CAMSAP1: variants seen among roughly 807,000 people sequenced by gnomAD.
CAMSAP1 encodes the protein calmodulin regulated spectrin associated protein 1, also known as calmodulin-regulated spectrin-associated protein 1.
Under a neutral mutation model 143.5 loss-of-function variants are expected in CAMSAP1, and 58 were observed. The ratio of observed to expected loss-of-function variants is 0.40; its 90% CI spans 0.33 to 0.50. The LOEUF (loss-of-function observed/expected upper bound fraction) is 0.50, where lower values mean the gene tolerates loss of function less well. Ranked by LOEUF, CAMSAP1 falls within the 20% of genes least tolerant of loss-of-function variation. The pLI is 0.45. For synonymous variants in CAMSAP1, 945 were observed against 859.3 expected (o/e 1.10, Z -1.74); for missense variants, 1,969 against 2,115.7 (o/e 0.93, Z 1.36).
At chr9:135,890,827 GCAAAA>G (rs1838268442) in intron 1 of CAMSAP1, among the ~76,000 whole-genome samples, 1 of 152,188 alleles carries the variant, frequency 6.6e-6, no homozygotes, top group African/African-American at 2.4e-5. Context: ...GACATCATGA[GCAAAA>G]GCCAGCAGAA....
intron 7 of CAMSAP1, among the ~76,000 whole-genome samples, chr9:135,845,941 C>CA (rs2130888395): frequency 6.6e-6 from 1 of 152,126 alleles, no homozygotes; most frequent in Admixed American, 6.5e-5. Context: ...GCCATACTTC[C>CA]CAAAGTAATT....
intron 7 of CAMSAP1, among the ~76,000 whole-genome samples, chr9:135,848,321 T>C (rs1226854430): frequency 2.0e-5 from 3 of 152,094 alleles, no homozygotes; most frequent in Non-Finnish European, 4.4e-5. Flanking sequence ...TTTGTCGTTA[T>C]TCTTTCTTAT....
chr9:135,820,935 C>T lies in CAMSAP1; in HGVS notation c.3726G>A (p.Lys1242=), dbSNP rs1835424232. 1 of 1,613,804 alleles carries T rather than the reference C, an allele frequency of 6.2e-7. No homozygotes were observed. Among genetic ancestry groups the T allele is most frequent in the South Asian group, 1.1e-5 (1 of 91,076 alleles). ...SLIEVDLSDL[K]APDEDGELVS... ...CCAGCTCCCCATCCTCGTCGGGGGC[C>T]TTCAGGTCGGAGAGGTCCACTTCAA... Residue 1242 remains lysine (K), a synonymous_variant, in exon 11 of 17, where the codon AAG becomes AAA. Coordinates refer to ENST00000389532, the MANE Select transcript of CAMSAP1 (RefSeq NM_015447.4). The surrounding 1 kb of genome is among the most constrained non-coding windows in gnomAD (Gnocchi z 4.4).
chr9:135,855,819 G>A (rs1338285654), intron 5 of CAMSAP1, among the ~76,000 whole-genome samples: 11 of 151,344 alleles, frequency 7.3e-5, no homozygotes, highest in African/African-American at 1.9e-4. Context: ...TTGGGAGGCC[G>A]AGGCGGGCGG....
At chr9:135,893,646 T>C (rs1003341796) in intron 1 of CAMSAP1, among the ~76,000 whole-genome samples, 4 of 152,122 alleles carry the variant, frequency 2.6e-5, no homozygotes, top group African/African-American at 4.8e-5. Context: ...AGTAAACATA[T>C]AATGGATGAG....
intron 1 of CAMSAP1, among the ~76,000 whole-genome samples, chr9:135,906,555 A>G (rs1838782475): frequency 6.6e-6 from 1 of 152,270 alleles, no homozygotes; most frequent in African/African-American, 2.4e-5. Context: ...AACAGCTGAC[A>G]GCTTGTAAGC....
intron 1 of CAMSAP1, among the ~76,000 whole-genome samples, chr9:135,904,083 G>A (rs529192204): frequency 5.3e-4 from 80 of 152,276 alleles, no homozygotes; most frequent in East Asian, 2.9e-3. Context: ...TTTTACACAG[G>A]AGGTCTAAGT....
intron 5 of CAMSAP1, 97 bp downstream of exon 5, chr9:135,862,370 T>C (rs941271782): frequency 1.5e-6 from 2 of 1,345,306 alleles, no homozygotes; most frequent in Non-Finnish European, 2.0e-6. Flanking sequence ...CCATTTTCTT[T>C]CTCTTTTTTT....
chr9:135,876,247 C>A lies in CAMSAP1; in HGVS notation c.585+5386G>T, dbSNP rs1281434911. On this transcript the variant is annotated intron_variant, in intron 3 of 16. Transcript: ENST00000389532. Reference sequence around the variant, plus strand: ...TGATTACAGGTGTGAGCCACCACACCCAGCCAACCTTTGCTTTTTGACAGA... The same window carrying A: ...TGATTACAGGTGTGAGCCACCACACACAGCCAACCTTTGCTTTTTGACAGA... Among the ~76,000 whole-genome samples the A allele has an allele frequency of 2.0e-5, 3 of 152,176 alleles. No individual in the cohort carries two copies. In the East Asian group the frequency reaches 5.8e-4, roughly 29 times the overall value.
chr9:135,840,082 C>A (rs992489637), intron 7 of CAMSAP1, among the ~76,000 whole-genome samples: 20 of 152,202 alleles, frequency 1.3e-4, no homozygotes, highest in Admixed American at 6.5e-5. Context: ...AAGGTAACTA[C>A]AATGGACCCC....
chr9:135,847,858 GGGGAGGGGGCA>G (rs1178184996), intron 7 of CAMSAP1, among the ~76,000 whole-genome samples: 4 of 3,012 alleles, frequency 1.3e-3, no homozygotes, highest in African/African-American at 1.6e-3. Flanking sequence ...AGGGGAGTGG[GGGGAGGGGGCA>G]GGGAAGGGGA....
chr9:135,856,252 G>A (rs115394357), intron 5 of CAMSAP1, among the ~76,000 whole-genome samples: 1,553 of 152,242 alleles, frequency 0.01, 23 homozygotes, highest in African/African-American at 0.029. Context: ...CCATCATGGC[G>A]GAAGATGAAA....
intron 5 of CAMSAP1, among the ~76,000 whole-genome samples, chr9:135,859,292 G>GA (rs1453247475): frequency 6.6e-6 from 1 of 152,216 alleles, no homozygotes; most frequent in Non-Finnish European, 1.5e-5. Context: ...GATGAAGCCT[G>GA]AAGTCCTCTA....
At chr9:135,901,261 C>G (rs1163092051) in intron 1 of CAMSAP1, among the ~76,000 whole-genome samples, 22 of 152,170 alleles carry the variant, frequency 1.4e-4, no homozygotes, top group Admixed American at 1.4e-3. Context: ...TATCTGTTGG[C>G]TCTATCTACC....
rs747206261 is a variant in CAMSAP1, at chr9:135,810,944, C to T, written c.*365G>A. ...AGAAGCAAGAAAGCAAAGTGGATCA[C>T]GTCTAATCTATGCTGAAGGAGAACT... On this transcript the variant is annotated 3_prime_UTR_variant, in exon 17 of 17. Coordinates refer to ENST00000389532, the MANE Select transcript of CAMSAP1 (RefSeq NM_015447.4). The T allele has an allele frequency of 6.5e-5, 19 of 293,048 alleles. No homozygotes were observed. Among genetic ancestry groups the T allele is most frequent in the Non-Finnish European group, 9.7e-5 (15 of 154,180 alleles). The allele number at this position is 293,048 out of a possible 1,614,324, so 18.2% of individuals were successfully genotyped here. A position where few individuals can be genotyped will look rare whatever the true frequency, so the allele number is the denominator to read the frequency against.
chr9:135,876,935 G>C (rs1837769951), intron 3 of CAMSAP1, among the ~76,000 whole-genome samples: 1 of 152,146 alleles, frequency 6.6e-6, no homozygotes, highest in Non-Finnish European at 1.5e-5. Context: ...CTTGAACCCA[G>C]GAGGCTAAGG....
At chr9:135,861,578 A>T (rs554397235) in intron 5 of CAMSAP1, among the ~76,000 whole-genome samples, 7 of 152,346 alleles carry the variant, frequency 4.6e-5, no homozygotes, top group Non-Finnish European at 1.0e-4. Context: ...TGCTGGGATT[A>T]CAGGCATGAG....
intron 7 of CAMSAP1, among the ~76,000 whole-genome samples, chr9:135,847,957 G>C (rs1211089223): frequency 2.5e-5 from 1 of 40,612 alleles, no homozygotes; most frequent in African/African-American, 9.2e-5. Context: ...GGGGGGGGAG[G>C]GGGAGGAGTG....
intron 1 of CAMSAP1, among the ~76,000 whole-genome samples, chr9:135,895,612 G>A (rs1278449063): frequency 6.6e-6 from 1 of 152,198 alleles, no homozygotes; most frequent in Non-Finnish European, 1.5e-5. Context: ...AATCTTGGAG[G>A]ACCAGGAAGA....
Sources: allele counts gnomAD v4.1 joint callset (sites outside exome capture counted in the v4.1 genomes callset), GRCh38; gene constraint gnomAD v4.1.1; non-coding constraint Gnocchi (gnomAD v3.1); transcripts MANE v1.5; gene names NCBI Gene and HGNC (gene_info 2026-07-23, HGNC 2026-07-21).